The following RPS6KC1 variants were observed in gnomAD, a reference collection of about 807,000 sequenced individuals.
The protein encoded by RPS6KC1 is inactive ribosomal protein S6 kinase delta-1.
In RPS6KC1, 54 loss-of-function variants were observed where a neutral mutation model predicts 103.8. The ratio of observed to expected loss-of-function variants is 0.52; its 90% confidence interval spans 0.42 to 0.65. The LOEUF is 0.65. Ranked by LOEUF, RPS6KC1 falls within the 30% of genes least tolerant of loss-of-function variation. The pLI is 0.00. For missense variants in RPS6KC1, 1,151 were observed against 1,253.8 expected (o/e 0.92, Z 1.24); for synonymous variants, 439 against 438.7 (o/e 1.00, Z -0.01).
the RPS6KC1 span, among the ~76,000 whole-genome samples, chr1:213,444,328 G>A: frequency 1.3e-5 from 2 of 152,066 alleles, no homozygotes; most frequent in African/African-American, 2.4e-5. Flanking sequence ...TGTGGCAGGT[G>A]GGGGGCGGGC....
At chr1:213,570,754 T>C in the RPS6KC1 span, among the ~76,000 whole-genome samples, 1 of 152,140 alleles carries the variant, frequency 6.6e-6, no homozygotes, top group Non-Finnish European at 1.5e-5. Context: ...ATCTAATGAA[T>C]CTGAGCAACC....
intron 6 of RPS6KC1, among the ~76,000 whole-genome samples, chr1:213,146,885 G>A (rs1218251591): frequency 2.6e-5 from 4 of 152,096 alleles, no homozygotes; most frequent in African/African-American, 9.7e-5. Context: ...TTGGATATAA[G>A]CCATTTTAAC....
chr1:213,534,693 C>A, the RPS6KC1 span, among the ~76,000 whole-genome samples: 2,331 of 152,298 alleles, frequency 0.015, 67 homozygotes, highest in African/African-American at 0.054. Flanking sequence ...CAAAAAAGAG[C>A]ATTAAGAGAT....
At chr1:213,602,064 T>TTC in the RPS6KC1 span, among the ~76,000 whole-genome samples, 200 of 62,814 alleles carry the variant, frequency 3.2e-3, 27 homozygotes, top group African/African-American at 0.013. Flanking sequence ...TTCTCTTTCT[T>TTC]TCTTTCTTTC....
intron 3 of RPS6KC1, among the ~76,000 whole-genome samples, chr1:213,091,500 A>G (rs564647888): frequency 2.4e-4 from 37 of 152,216 alleles, no homozygotes; most frequent in Non-Finnish European, 3.7e-4. Flanking sequence ...ACTTTGTTAC[A>G]TTACAATCCG....
chr1:213,168,276 G>A (rs1423315450), intron 7 of RPS6KC1, among the ~76,000 whole-genome samples: 2 of 152,160 alleles, frequency 1.3e-5, no homozygotes, highest in Non-Finnish European at 2.9e-5. Flanking sequence ...ACATTTTAAA[G>A]TTAGATTGTG....
the RPS6KC1 span, among the ~76,000 whole-genome samples, chr1:213,551,748 T>C: frequency 2.6e-5 from 4 of 152,208 alleles, no homozygotes; most frequent in African/African-American, 9.7e-5. Flanking sequence ...GGGTTCTTTC[T>C]TGGTGTTGCA....
At chr1:213,056,879 G>A (rs1379909962) in intron 1 of RPS6KC1, among the ~76,000 whole-genome samples, 2 of 143,190 alleles carry the variant, frequency 1.4e-5, no homozygotes, top group Admixed American at 7.0e-5. Context: ...TTTAGGCGTT[G>A]CTCTCTATAT....
the RPS6KC1 span, among the ~76,000 whole-genome samples, chr1:213,558,624 T>C: frequency 6.6e-6 from 1 of 152,244 alleles, no homozygotes; most frequent in African/African-American, 2.4e-5. Flanking sequence ...AATCACGCAC[T>C]GTTAAAATAA....
intron 4 of RPS6KC1, among the ~76,000 whole-genome samples, chr1:213,112,663 A>G (rs2083148322): frequency 6.6e-6 from 1 of 151,996 alleles, no homozygotes; most frequent in Admixed American, 6.6e-5. Flanking sequence ...TGCTGCACCC[A>G]TTAACTCGTC....
At chr1:213,811,940 T>A in the RPS6KC1 span, among the ~76,000 whole-genome samples, 1 of 152,254 alleles carries the variant, frequency 6.6e-6, no homozygotes, top group Admixed American at 6.5e-5. Context: ...TTACTTAATC[T>A]TATTTAATTC....
At chr1:213,678,186 C>A in the RPS6KC1 span, among the ~76,000 whole-genome samples, 1 of 152,168 alleles carries the variant, frequency 6.6e-6, no homozygotes, top group Non-Finnish European at 1.5e-5. Context: ...AAGACACAGA[C>A]AAAAGGACAC....
chr1:213,131,517 C>G lies in RPS6KC1; in HGVS notation c.835+1628C>G, dbSNP rs576626220. Among the ~76,000 whole-genome samples, 299 of 151,964 alleles carry G rather than the reference C, an allele frequency of 2.0e-3. 1 individual carries two copies. The highest frequency in any genetic ancestry group is 6.9e-3 in the African/African-American group (288 of 41,460). On this transcript the variant is annotated intron_variant, in intron 6 of 14. Transcript: ENST00000366960. ...GGAGGGCAGTGGTATGATCTCAGCT[C>G]GCTGCAACCTTTGCCTCCGGGGTTC...
At chr1:213,544,464 C>T in the RPS6KC1 span, among the ~76,000 whole-genome samples, 1 of 152,198 alleles carries the variant, frequency 6.6e-6, no homozygotes, top group Non-Finnish European at 1.5e-5. Flanking sequence ...TAGAATGTGT[C>T]TCTGTTGCCA....
the RPS6KC1 span, among the ~76,000 whole-genome samples, chr1:213,857,190 A>G: frequency 6.6e-6 from 1 of 152,188 alleles, no homozygotes; most frequent in Non-Finnish European, 1.5e-5. Flanking sequence ...CTGGACACCC[A>G]TGGGCCTCCC....
At chr1:213,705,276 C>T in the RPS6KC1 span, among the ~76,000 whole-genome samples, 5 of 152,206 alleles carry the variant, frequency 3.3e-5, no homozygotes, top group South Asian at 2.1e-4. Context: ...GATTCAAAAA[C>T]GTTAGAAGTC....
rs756937375 is a variant in RPS6KC1, at chr1:213,259,883, C to T, written c.2912-1675C>T. ...CCTCCTGAGTAGCTGGGATTACAGG[C>T]GCTTGCCACCATGCATGGCTAATTT... On this transcript the variant is annotated intron_variant, in intron 12 of 14. Coordinates refer to ENST00000366960, the MANE Select transcript of RPS6KC1 (RefSeq NM_012424.6). Among the ~76,000 whole-genome samples, 11 of 151,778 alleles carry T rather than the reference C, an allele frequency of 7.2e-5. No homozygotes were observed. The East Asian group carries it at 1.8e-3, about 24-fold the overall frequency.
chr1:213,817,938 A>G, the RPS6KC1 span: 1 of 152,004 alleles, frequency 6.6e-6, no homozygotes, highest in African/African-American at 2.4e-5. Flanking sequence ...CAATATCTCA[A>G]ACTTTTTCGT....
chr1:213,252,561 T>G (rs535969212), intron 12 of RPS6KC1, among the ~76,000 whole-genome samples: 1 of 152,180 alleles, frequency 6.6e-6, no homozygotes, highest in Non-Finnish European at 1.5e-5. Flanking sequence ...TTTGTAAGAA[T>G]TTGCCTTTGT....
Sources: gnomAD v4.1 joint callset for allele counts (sites outside exome capture counted in the v4.1 genomes callset) on GRCh38, gnomAD v4.1.1 for gene constraint, MANE v1.5 for transcripts, NCBI Gene and HGNC (gene_info 2026-07-23, HGNC 2026-07-21) for gene names.